CALN1: variants seen among roughly 807,000 people sequenced by gnomAD.
The protein encoded by CALN1 is calneuron 1.
A neutral mutation model predicts 30.6 loss-of-function variants in CALN1; 17 were observed. The observed-to-expected ratio is 0.56, with a 90% CI of 0.38 to 0.83. The LOEUF (loss-of-function observed/expected upper bound fraction) is 0.83, where lower values mean the gene tolerates loss of function less well. Ranked by LOEUF, CALN1 falls within the 40% of genes least tolerant of loss-of-function variation. The pLI, the probability that CALN1 is intolerant of heterozygous loss-of-function variation, is 0.00. For missense variants in CALN1, 291 were observed against 354.9 expected (o/e 0.82, Z 1.45); for synonymous variants, 156 against 131.4 (o/e 1.19, Z -1.28).
intron 3 of CALN1, among the ~76,000 whole-genome samples, chr7:72,240,411 T>G (rs898992405): frequency 1.3e-5 from 2 of 152,098 alleles, no homozygotes; most frequent in Non-Finnish European, 2.9e-5. Context: ...TACAGGCTGA[T>G]CTTGAACTCC....
intron 3 of CALN1, among the ~76,000 whole-genome samples, chr7:72,176,404 C>A (rs1390172021): frequency 6.6e-6 from 1 of 152,144 alleles, no homozygotes; most frequent in Non-Finnish European, 1.5e-5. Context: ...AAATATGATT[C>A]CCAGTGTTGG....
At chr7:72,324,347 G>C (rs2129557536) in intron 2 of CALN1, among the ~76,000 whole-genome samples, 1 of 152,154 alleles carries the variant, frequency 6.6e-6, no homozygotes, top group Non-Finnish European at 1.5e-5. Context: ...AAGCATCACT[G>C]ATAACCATCC....
At chr7:72,111,311 T>C (rs989117581) in intron 3 of CALN1, among the ~76,000 whole-genome samples, 2 of 152,242 alleles carry the variant, frequency 1.3e-5, no homozygotes, top group African/African-American at 4.8e-5. Flanking sequence ...TGCAAGCATA[T>C]GGAGTCGCCC....
chr7:72,042,633 G>T (rs761962623), intron 4 of CALN1, among the ~76,000 whole-genome samples: 2 of 152,130 alleles, frequency 1.3e-5, no homozygotes, highest in South Asian at 2.1e-4. Flanking sequence ...CACTTTGGGA[G>T]GCTGAGGCTG....
the CALN1 span, among the ~76,000 whole-genome samples, chr7:72,457,398 A>C: frequency 6.6e-6 from 1 of 152,080 alleles, no homozygotes; most frequent in African/African-American, 2.4e-5. Flanking sequence ...TCCAGCTCCC[A>C]CTGAAAGTAC....
chr7:72,440,641 A>G (rs1730370434), intron 1 of CALN1, among the ~76,000 whole-genome samples: 3 of 152,234 alleles, frequency 2.0e-5, no homozygotes, highest in Non-Finnish European at 4.4e-5. Flanking sequence ...AGCCTGGCCA[A>G]TATGAGGAAA....
chr7:72,297,849 T>C (rs759566383), intron 2 of CALN1, among the ~76,000 whole-genome samples: 54 of 152,204 alleles, frequency 3.5e-4, no homozygotes, highest in Non-Finnish European at 1.2e-4. Context: ...CGTCAACAGA[T>C]GATTTTGCAA....
At chr7:72,338,525 G>GTGTGTCTGTGTGTGTGTGTGTGTCTGTC in intron 2 of CALN1, among the ~76,000 whole-genome samples, 1 of 122,292 alleles carries the variant, frequency 8.2e-6, no homozygotes, top group South Asian at 2.7e-4. Context: ...GTGTGTGTGT[G>GTGTGTCTGTGTGTGTGTGTGTGTCTGTC]TGTCTCACCT....
At chr7:72,069,749 T>C (rs1804262794) in intron 4 of CALN1, among the ~76,000 whole-genome samples, 1 of 152,202 alleles carries the variant, frequency 6.6e-6, no homozygotes, top group South Asian at 2.1e-4. Context: ...GAGAGCTTGA[T>C]ATCTTTGGGA....
At chr7:72,203,885 C>T (rs1436293603) in intron 3 of CALN1, among the ~76,000 whole-genome samples, 1 of 151,178 alleles carries the variant, frequency 6.6e-6, no homozygotes, top group Non-Finnish European at 1.5e-5. Context: ...GTAAAATATA[C>T]CCATTATCCC....
At chr7:72,410,328 T>A (rs2129562898) in intron 1 of CALN1, among the ~76,000 whole-genome samples, 1 of 152,286 alleles carries the variant, frequency 6.6e-6, no homozygotes, top group South Asian at 2.1e-4. Flanking sequence ...AATATCTTAC[T>A]ACTAAGATGT....
chr7:72,358,865 G>A (rs1803396337), intron 2 of CALN1, among the ~76,000 whole-genome samples: 2 of 151,902 alleles, frequency 1.3e-5, no homozygotes, highest in Non-Finnish European at 2.9e-5. Flanking sequence ...GGCTGAGGCA[G>A]GAGAATCGTT....
intron 2 of CALN1, among the ~76,000 whole-genome samples, chr7:72,341,274 G>A (rs537379747): frequency 8.8e-4 from 134 of 152,344 alleles, no homozygotes; most frequent in Non-Finnish European, 1.7e-3. Context: ...TGTAATCCCA[G>A]CACTTTGGGA....
chr7:72,336,902 C>A (rs1802096446), intron 2 of CALN1: 12 of 984,794 alleles, frequency 1.2e-5, no homozygotes, highest in Non-Finnish European at 1.3e-5. Context: ...TCCCTCGGCG[C>A]CCCCGGGCCG....
At chr7:71,805,715 CAT>C (rs1787566638) in intron 6 of CALN1, among the ~76,000 whole-genome samples, 1 of 152,164 alleles carries the variant, frequency 6.6e-6, no homozygotes. Context: ...CCCAGAATCA[CAT>C]AGACCCTATT....
At chr7:72,182,100 G>C (rs1386545233) in intron 3 of CALN1, among the ~76,000 whole-genome samples, 2 of 152,180 alleles carry the variant, frequency 1.3e-5, no homozygotes, top group Non-Finnish European at 2.9e-5. Context: ...CAAATGACAG[G>C]CTTCTTAAAG....
intron 3 of CALN1, among the ~76,000 whole-genome samples, chr7:72,185,900 C>T (rs1440024129): frequency 6.6e-6 from 1 of 152,184 alleles, no homozygotes; most frequent in Non-Finnish European, 1.5e-5. Flanking sequence ...ACTGTAATTT[C>T]AATTAAATCT....
At chr7:72,467,740 A>G in the CALN1 span, among the ~76,000 whole-genome samples, 1 of 152,170 alleles carries the variant, frequency 6.6e-6, no homozygotes, top group Non-Finnish European at 1.5e-5. Flanking sequence ...TATTTTTATG[A>G]AGCTAAAATT....
upstream of CALN1, among the ~76,000 whole-genome samples, chr7:72,450,499 G>A (rs182455849): frequency 3.3e-5 from 5 of 152,312 alleles, no homozygotes; most frequent in Non-Finnish European, 7.3e-5. Flanking sequence ...ACCACATGAC[G>A]AGGAATTGTC....
Sources: gnomAD v4.1 joint callset for allele counts (sites outside exome capture counted in the v4.1 genomes callset) on GRCh38, gnomAD v4.1.1 for gene constraint, MANE v1.5 for transcripts, NCBI Gene and HGNC (gene_info 2026-07-23, HGNC 2026-07-21) for gene names.